The following CEP63 variants were observed in gnomAD, a reference collection of about 807,000 sequenced individuals.
CEP63 encodes centrosomal protein of 63 kDa.
CEP63 carries 84 observed loss-of-function variants against 89.1 expected under a neutral mutation model. The observed-to-expected ratio is 0.94, with a 90% CI of 0.79 to 1.13. The LOEUF (loss-of-function observed/expected upper bound fraction) is 1.13, where lower values mean the gene tolerates loss of function less well. CEP63 is among the 50% of genes most tolerant of loss of function. The probability of loss-of-function intolerance (pLI) is 0.00; values close to 1 mark genes in which losing one functional copy is unlikely to be tolerated. For synonymous variants in CEP63, 267 were observed against 272.5 expected, an observed-to-expected ratio of 0.98 and a Z score of 0.20; for missense variants, 838 against 813.3, an observed-to-expected ratio of 1.03 and a Z score of -0.37.
chr3:134,731,727 C>T, the CEP63 span, among the ~76,000 whole-genome samples: 8 of 152,144 alleles, frequency 5.3e-5, no homozygotes, highest in Non-Finnish European at 4.4e-5. Flanking sequence ...AGTTAAAAAA[C>T]AAGCACCACG....
chr3:134,654,110 A>G, the CEP63 span, among the ~76,000 whole-genome samples: 1 of 152,224 alleles, frequency 6.6e-6, no homozygotes, highest in East Asian at 1.9e-4. Context: ...TTCAACACTT[A>G]GACACATCCA....
the CEP63 span, among the ~76,000 whole-genome samples, chr3:134,773,876 C>T: frequency 4.6e-5 from 7 of 152,272 alleles, no homozygotes; most frequent in African/African-American, 1.4e-4. Flanking sequence ...TGATCTTACT[C>T]ATTGTATTTC....
chr3:134,712,963 T>C, the CEP63 span, among the ~76,000 whole-genome samples: 1 of 152,238 alleles, frequency 6.6e-6, no homozygotes, highest in Non-Finnish European at 1.5e-5. Flanking sequence ...GGCCAGAGCA[T>C]GTCTGATTCC....
At chr3:134,605,537 C>T in the CEP63 span, among the ~76,000 whole-genome samples, 1 of 152,142 alleles carries the variant, frequency 6.6e-6, no homozygotes, top group Non-Finnish European at 1.5e-5. Flanking sequence ...TGGGAGAAGA[C>T]CACATGGGCC....
At chr3:134,768,633 T>A in the CEP63 span, among the ~76,000 whole-genome samples, 1 of 152,194 alleles carries the variant, frequency 6.6e-6, no homozygotes, top group Non-Finnish European at 1.5e-5. Context: ...AAAAGGAGTG[T>A]CTTCTCCAAG....
the CEP63 span, among the ~76,000 whole-genome samples, chr3:134,663,438 T>G: frequency 2.6e-5 from 4 of 152,180 alleles, no homozygotes; most frequent in Non-Finnish European, 4.4e-5. Context: ...GCAGAGCCTG[T>G]GGAGTAAGGA....
intron 1 of CEP63, among the ~76,000 whole-genome samples, chr3:134,494,394 C>G (rs746195563): frequency 1.3e-5 from 2 of 151,932 alleles, no homozygotes; most frequent in Non-Finnish European, 2.9e-5. Context: ...GGATTACAGG[C>G]GTGAGCCACC....
At chr3:134,648,382 C>T in the CEP63 span, among the ~76,000 whole-genome samples, 1 of 152,312 alleles carries the variant, frequency 6.6e-6, no homozygotes, top group Admixed American at 6.5e-5. Flanking sequence ...TGACTTACCA[C>T]TTGGAACCCT....
intron 1 of CEP63, among the ~76,000 whole-genome samples, chr3:134,492,952 T>C (rs987862454): frequency 6.6e-6 from 1 of 152,168 alleles, no homozygotes; most frequent in Non-Finnish European, 1.5e-5. Context: ...TGAAGATTGA[T>C]TTAGACAATG....
At chr3:134,485,823 G>GT, upstream of CEP63, 1 of 254,462 alleles carries the variant, frequency 3.9e-6, no homozygotes, top group Non-Finnish European at 6.2e-6. Flanking sequence ...CACGAGTGCA[G>GT]TAAAGAAAAA....
the CEP63 span, among the ~76,000 whole-genome samples, chr3:134,765,196 A>G: frequency 6.6e-6 from 1 of 152,258 alleles, no homozygotes; most frequent in Non-Finnish European, 1.5e-5. Flanking sequence ...TGTATAAGGT[A>G]TTCATATTCT....
chr3:134,598,027 T>C, the CEP63 span: 2 of 152,226 alleles, frequency 1.3e-5, no homozygotes, highest in Non-Finnish European at 2.9e-5. Flanking sequence ...CCCGCCTGGC[T>C]GTGGTACGAA....
intron 1 of CEP63, among the ~76,000 whole-genome samples, chr3:134,487,109 T>G (rs1935823287): frequency 6.6e-6 from 1 of 152,192 alleles, no homozygotes; most frequent in South Asian, 2.1e-4. Flanking sequence ...AATAAAGCAG[T>G]ATTGTAGGGT....
At chr3:134,742,457 G>T in the CEP63 span, among the ~76,000 whole-genome samples, 1 of 152,162 alleles carries the variant, frequency 6.6e-6, no homozygotes. Context: ...TTGCTGGATA[G>T]CAGGAAACCA....
chr3:134,488,658 A>G (rs1473342407), intron 1 of CEP63, among the ~76,000 whole-genome samples: 1 of 152,172 alleles, frequency 6.6e-6, no homozygotes, highest in East Asian at 1.9e-4. Flanking sequence ...AACATTTCAT[A>G]TGAATTTTAA....
At chr3:134,590,660 A>G (rs1037066418), downstream of CEP63, among the ~76,000 whole-genome samples, 1 of 152,254 alleles carries the variant, frequency 6.6e-6, no homozygotes, top group African/African-American at 2.4e-5. Context: ...TATTATGGCC[A>G]TGTAAATGTC....
At chr3:134,552,441 G>T (rs2109902013) in intron 12 of CEP63, 1 of 153,604 alleles carries the variant, frequency 6.5e-6, no homozygotes, top group African/African-American at 2.4e-5. Flanking sequence ...AATCTCAGGT[G>T]ATCTGCCCGC....
chr3:134,555,957 A>G (rs1414087296), intron 12 of CEP63, among the ~76,000 whole-genome samples: 4 of 151,532 alleles, frequency 2.6e-5, no homozygotes, highest in Non-Finnish European at 4.4e-5. Flanking sequence ...CAGAGCCCTC[A>G]GAAATAATGC....
the CEP63 span, among the ~76,000 whole-genome samples, chr3:134,648,177 C>T: frequency 2.6e-5 from 4 of 152,154 alleles, no homozygotes; most frequent in South Asian, 2.1e-4. Context: ...GAGATCCTGG[C>T]GCGGAAGGAG....
Sources: allele counts gnomAD v4.1 joint callset (sites outside exome capture counted in the v4.1 genomes callset), GRCh38; gene constraint gnomAD v4.1.1; transcripts MANE v1.5; gene names NCBI Gene and HGNC (gene_info 2026-07-23, HGNC 2026-07-21).